The following CNTNAP2 variants were observed in gnomAD, a reference collection of about 807,000 sequenced individuals.
CNTNAP2 encodes contactin associated protein 2.
Under a neutral mutation model 155.2 loss-of-function variants are expected in CNTNAP2, and 98 were observed. That is an observed-to-expected ratio of 0.63 (90% CI 0.54 to 0.75). The LOEUF is 0.75. Ranked by LOEUF, CNTNAP2 falls within the 30% of genes least tolerant of loss-of-function variation. The pLI, the probability that CNTNAP2 is intolerant of heterozygous loss-of-function variation, is 0.00. For synonymous variants in CNTNAP2, 651 were observed against 631.2 expected (o/e 1.03, Z -0.47); for missense variants, 1,727 against 1,688.1 (o/e 1.02, Z -0.40).
rs71527815 is a variant in CNTNAP2 at position 147,486,889 on chromosome 7, C to CCGTGTGTGTGTGTGTGTGTG, written c.1777+848_1777+849insCGTGTGTGTGTGTGTGTGTG. ...GGTTAGTGTGTGCATACGTATGTGC[C>CCGTGTGTGTGTGTGTGTGTG]TGTGTGTGTGTGTGTGTGTGTGTGT... is the stretch of plus-strand genomic sequence containing the variant. On this transcript the variant is annotated intron_variant, in intron 11 of 23. Transcript: ENST00000361727. 2.5e-3 allele frequency among the ~76,000 whole-genome samples: 368 copies of CCGTGTGTGTGTGTGTGTGTG among 146,930 alleles called. 3 individuals are homozygous for CCGTGTGTGTGTGTGTGTGTG. The highest frequency in any genetic ancestry group is 9.0e-3 in the South Asian group (40 of 4,468).
intron 1 of CNTNAP2, among the ~76,000 whole-genome samples, chr7:146,558,560 T>G (rs879355716): frequency 1.3e-5 from 2 of 152,172 alleles, no homozygotes; most frequent in African/African-American, 2.4e-5. Context: ...AAAAGTTTCC[T>G]TCTTCCTTTT....
intron 2 of CNTNAP2, among the ~76,000 whole-genome samples, chr7:146,789,549 T>A (rs1312670097): frequency 3.3e-5 from 5 of 151,506 alleles, no homozygotes; most frequent in Admixed American, 6.6e-5. Context: ...TAGCCAAAAT[T>A]GAAATCAATT....
chr7:147,683,187 C>T (rs973961369), intron 13 of CNTNAP2, among the ~76,000 whole-genome samples: 2 of 151,780 alleles, frequency 1.3e-5, no homozygotes, highest in African/African-American at 4.8e-5. Context: ...ATACAGTTCA[C>T]CTGTACTCTG....
intron 17 of CNTNAP2, among the ~76,000 whole-genome samples, chr7:148,165,917 G>A (rs1291239127): frequency 6.6e-6 from 1 of 152,098 alleles, no homozygotes; most frequent in Non-Finnish European, 1.5e-5. Context: ...GCTCTTCTGA[G>A]CATCCTGCAA....
chr7:146,612,194 T>TA (rs769690352), intron 1 of CNTNAP2, among the ~76,000 whole-genome samples: 56 of 150,976 alleles, frequency 3.7e-4, no homozygotes, highest in Non-Finnish European at 6.3e-4. Flanking sequence ...AAACATTTAA[T>TA]AAAAATAGTT....
intron 2 of CNTNAP2, among the ~76,000 whole-genome samples, chr7:146,808,083 T>A (rs2129193055): frequency 6.6e-6 from 1 of 152,316 alleles, no homozygotes; most frequent in African/African-American, 2.4e-5. Context: ...TACTTTTCAC[T>A]GGAGACTGAG....
intron 21 of CNTNAP2, among the ~76,000 whole-genome samples, chr7:148,349,295 A>G (rs1453326424): frequency 2.0e-5 from 3 of 152,046 alleles, no homozygotes; most frequent in East Asian, 1.9e-4. Context: ...GGAGTGTCCA[A>G]CCTTTCGGCT....
intron 11 of CNTNAP2, among the ~76,000 whole-genome samples, chr7:147,552,712 G>T (rs147300084): frequency 7.9e-5 from 12 of 151,850 alleles, no homozygotes; most frequent in African/African-American, 2.9e-4. Context: ...AATAAAATAC[G>T]CCTTCTTCCT....
intron 1 of CNTNAP2, among the ~76,000 whole-genome samples, chr7:146,561,620 C>G (rs1227112672): frequency 6.6e-6 from 1 of 152,148 alleles, no homozygotes; most frequent in Non-Finnish European, 1.5e-5. Flanking sequence ...GATTGAACCA[C>G]TGCACTCAGA....
At chr7:147,111,153 G>T (rs529573005) in intron 5 of CNTNAP2, among the ~76,000 whole-genome samples, 4 of 151,908 alleles carry the variant, frequency 2.6e-5, no homozygotes, top group African/African-American at 7.3e-5. Flanking sequence ...TTTCATGTTT[G>T]TTGGCCACAT....
At chr7:147,827,456 A>C (rs1190799698) in intron 13 of CNTNAP2, among the ~76,000 whole-genome samples, 1 of 152,232 alleles carries the variant, frequency 6.6e-6, no homozygotes, top group Non-Finnish European at 1.5e-5. Context: ...CACATAACAA[A>C]AAAAATTGTT....
intron 3 of CNTNAP2, among the ~76,000 whole-genome samples, chr7:146,847,487 AG>A (rs1794783074): frequency 6.6e-6 from 1 of 152,150 alleles, no homozygotes; most frequent in African/African-American, 2.4e-5. Context: ...ACCTCAATGG[AG>A]GTTGTAGGTA....
At chr7:146,978,230 T>A (rs1005452706) in intron 3 of CNTNAP2, among the ~76,000 whole-genome samples, 18 of 152,138 alleles carry the variant, frequency 1.2e-4, no homozygotes, top group Non-Finnish European at 2.2e-4. Flanking sequence ...TCAAAACAGA[T>A]CTGTTTTGTA....
chr7:146,654,053 G>T (rs943515752), intron 1 of CNTNAP2, among the ~76,000 whole-genome samples: 3 of 151,918 alleles, frequency 2.0e-5, no homozygotes, highest in African/African-American at 7.3e-5. Context: ...CATAGAAACT[G>T]GGCTTGGTTT....
At chr7:148,226,567 C>T (rs1451492137) in intron 19 of CNTNAP2, among the ~76,000 whole-genome samples, 1 of 152,188 alleles carries the variant, frequency 6.6e-6, no homozygotes, top group Non-Finnish European at 1.5e-5. Context: ...CAAGCATGCA[C>T]ACTAAGAGGC....
chr7:146,643,801 T>C (rs1236435352), intron 1 of CNTNAP2, among the ~76,000 whole-genome samples: 1 of 152,060 alleles, frequency 6.6e-6, no homozygotes, highest in African/African-American at 2.4e-5. Context: ...GAGTATGGAA[T>C]GTTCTTCCAT....
intron 1 of CNTNAP2, among the ~76,000 whole-genome samples, chr7:146,740,146 CTTT>C (rs888728579): frequency 8.6e-5 from 13 of 151,822 alleles, no homozygotes; most frequent in African/African-American, 2.7e-4. Context: ...CCTTGTCATT[CTTT>C]ATTTTTTTCT....
chr7:147,865,073 T>A (rs1281160847), intron 13 of CNTNAP2, among the ~76,000 whole-genome samples: 1 of 152,212 alleles, frequency 6.6e-6, no homozygotes. Context: ...TTGTCATAAA[T>A]AGCTCTTATT....
At chr7:148,123,516 G>C (rs770004024) in intron 16 of CNTNAP2, among the ~76,000 whole-genome samples, 3 of 151,842 alleles carry the variant, frequency 2.0e-5, no homozygotes, top group Non-Finnish European at 2.9e-5. Flanking sequence ...AGAATCCCTC[G>C]AGCCCAAGAA....
Sources: gnomAD v4.1 joint callset for allele counts (sites outside exome capture counted in the v4.1 genomes callset) on GRCh38, gnomAD v4.1.1 for gene constraint, MANE v1.5 for transcripts, NCBI Gene and HGNC (gene_info 2026-07-23, HGNC 2026-07-21) for gene names.